PAM: variants seen among roughly 807,000 people sequenced by gnomAD.
The protein encoded by PAM is peptidylglycine alpha-amidating monooxygenase.
PAM carries 72 observed loss-of-function variants against 122.1 expected under a neutral mutation model. The observed-to-expected ratio is 0.59, with a 90% CI of 0.49 to 0.72. The LOEUF (loss-of-function observed/expected upper bound fraction) is 0.72. Among genes scored for constraint, PAM ranks in the 30% least tolerant of loss-of-function variants. PAM has a pLI of 0.00. For synonymous variants in PAM, 389 were observed against 404.4 expected (o/e 0.96, Z 0.46); for missense variants, 1,106 against 1,183.7 (o/e 0.93, Z 0.96).
rs377145425 is a variant in PAM at position 103,007,454 on chromosome 5, C to A, written c.2015-3C>A. 4 of 1,612,054 alleles carry A rather than the reference C, an allele frequency of 2.5e-6. No individual in the cohort carries two copies. Among genetic ancestry groups the A allele is most frequent in the Non-Finnish European group, 2.5e-6 (3 of 1,179,180 alleles). On this transcript the variant is annotated splice_region_variant and splice_polypyrimidine_tract_variant and intron_variant, in intron 19 of 25. Transcript: ENST00000438793. ...GTATCTAAGGCTTTTTTTTGTTCTG[C>A]AGAGTCTTCAGGGAGCAGTCCTCTG... is the stretch of plus-strand genomic sequence containing the variant.
intron 1 of PAM, among the ~76,000 whole-genome samples, chr5:102,849,100 A>G (rs1780693067): frequency 6.6e-6 from 1 of 152,174 alleles, no homozygotes; most frequent in Non-Finnish European, 1.5e-5. Context: ...TCTAAACAAT[A>G]GGACTATAAG....
At chr5:102,881,293 A>G (rs983615611) in intron 3 of PAM, among the ~76,000 whole-genome samples, 6 of 152,042 alleles carry the variant, frequency 3.9e-5, no homozygotes, top group Non-Finnish European at 8.8e-5. Flanking sequence ...AAAGAAAAGT[A>G]AATTAGGAAT....
intron 2 of PAM, 51 bp downstream of exon 2, chr5:102,866,335 A>T (rs768337363): frequency 8.3e-7 from 1 of 1,201,534 alleles, no homozygotes; most frequent in Admixed American, 1.7e-5. Context: ...GAGAAATGTA[A>T]TCACTTTTAT....
intron 1 of PAM, among the ~76,000 whole-genome samples, chr5:102,829,157 A>G (rs962438319): frequency 4.6e-5 from 7 of 152,154 alleles, no homozygotes; most frequent in African/African-American, 1.7e-4. Flanking sequence ...TAACATAAAG[A>G]TGCAACTGTT....
At chr5:102,770,296 G>T (rs529121214) in intron 1 of PAM, among the ~76,000 whole-genome samples, 3 of 152,090 alleles carry the variant, frequency 2.0e-5, no homozygotes, top group African/African-American at 7.2e-5. Context: ...CAAGTATAAG[G>T]TCATATCATC....
chr5:103,022,233 TA>T lies in PAM; in HGVS notation c.2485+2401del, dbSNP rs142082103. On this transcript the variant is annotated intron_variant, in intron 23 of 25. Coordinates refer to ENST00000438793, the MANE Select transcript of PAM (RefSeq NM_001177306.2). ...AGCAACACATTGTAAGGAAACACAT[TA>T]AAAAAAAAAAGAATGATCTCATTGG... Among the ~76,000 whole-genome samples, 1,092 of 146,934 alleles carry T rather than the reference TA, an allele frequency of 7.4e-3. 8 individuals are homozygous for T. The highest frequency in any genetic ancestry group is 0.014 in the Non-Finnish European group (900 of 66,394).
chr5:102,811,987 C>T (rs919935304), intron 1 of PAM, among the ~76,000 whole-genome samples: 2 of 152,144 alleles, frequency 1.3e-5, no homozygotes, highest in African/African-American at 4.8e-5. Context: ...TTTGGGACTG[C>T]AAAATTTCCA....
chr5:102,899,950 G>A (rs540944583), intron 3 of PAM, among the ~76,000 whole-genome samples: 51 of 151,560 alleles, frequency 3.4e-4, no homozygotes, highest in Admixed American at 1.2e-3. Flanking sequence ...CAGTGGTGTC[G>A]ATTAGAACAA....
At chr5:102,775,397 G>A (rs1452324721) in intron 1 of PAM, among the ~76,000 whole-genome samples, 1 of 151,962 alleles carries the variant, frequency 6.6e-6, no homozygotes. Context: ...TGTTACATAG[G>A]TAAACGTGTG....
intron 14 of PAM, among the ~76,000 whole-genome samples, chr5:102,972,349 A>G (rs1766103605): frequency 6.6e-6 from 1 of 152,166 alleles, no homozygotes; most frequent in Non-Finnish European, 1.5e-5. Context: ...TGGCGTGATC[A>G]TAGCTCACTG....
chr5:102,989,465 C>A (rs1348768042), intron 15 of PAM, among the ~76,000 whole-genome samples: 2 of 152,136 alleles, frequency 1.3e-5, no homozygotes, highest in South Asian at 2.1e-4. Flanking sequence ...TGTGACTGTA[C>A]CACTGCATTC....
At chr5:102,925,098 A>G (rs1041724127) in intron 6 of PAM, 56 bp downstream of exon 6, 1 of 884,904 alleles carries the variant, frequency 1.1e-6, no homozygotes, top group Non-Finnish European at 1.9e-6. Context: ...TCTGTTTCCA[A>G]AGTACTTTTC....
At chr5:102,854,925 C>T (rs184371953) in intron 1 of PAM, among the ~76,000 whole-genome samples, 100 of 152,224 alleles carry the variant, frequency 6.6e-4, no homozygotes, top group African/African-American at 2.4e-3. Context: ...GTGCTATAGA[C>T]TAGAAATTAA....
At chr5:102,870,636 T>C (rs1197212246) in intron 3 of PAM, among the ~76,000 whole-genome samples, 1 of 152,232 alleles carries the variant, frequency 6.6e-6, no homozygotes, top group Non-Finnish European at 1.5e-5. Flanking sequence ...ACTTAAAAAA[T>C]TTGAAAATAG....
At chr5:102,857,577 G>C (rs910622736) in intron 1 of PAM, among the ~76,000 whole-genome samples, 7 of 152,130 alleles carry the variant, frequency 4.6e-5, no homozygotes, top group Non-Finnish European at 8.8e-5. Context: ...CCTAGTATAT[G>C]AATGGAAAAA....
At chr5:102,867,207 C>A in intron 2 of PAM, 66 bp from the exon 3 acceptor site, 1 of 1,094,182 alleles carries the variant, frequency 9.1e-7, no homozygotes, top group Non-Finnish European at 1.4e-6. Context: ...TCCTTTCTTT[C>A]CCCTTCTCAT....
chr5:103,015,130 A>G (rs1233174432), intron 21 of PAM, among the ~76,000 whole-genome samples: 1 of 152,178 alleles, frequency 6.6e-6, no homozygotes, highest in African/African-American at 2.4e-5. Context: ...TGTGGATCTC[A>G]AACCTAGGTC....
intron 1 of PAM, among the ~76,000 whole-genome samples, chr5:102,856,245 A>G (rs571071380): frequency 2.2e-4 from 34 of 152,236 alleles, no homozygotes; most frequent in Admixed American, 5.9e-4. Flanking sequence ...TGACTCAACA[A>G]TGTTTCAAGG....
At chr5:102,809,551 C>T (rs942565938) in intron 1 of PAM, among the ~76,000 whole-genome samples, 3 of 152,246 alleles carry the variant, frequency 2.0e-5, no homozygotes, top group South Asian at 2.1e-4. Flanking sequence ...AGGCAGATGG[C>T]GTTGCTGACA....
Sources: gnomAD v4.1 joint callset for allele counts (sites outside exome capture counted in the v4.1 genomes callset) on GRCh38, gnomAD v4.1.1 for gene constraint, MANE v1.5 for transcripts, NCBI Gene and HGNC (gene_info 2026-07-23, HGNC 2026-07-21) for gene names.